The following WIF1 variants were observed in gnomAD, a reference collection of about 807,000 sequenced individuals.
WIF1 encodes the protein Wnt inhibitory factor 1.
In WIF1, 35 loss-of-function variants were observed where a neutral mutation model predicts 53.5. That is an observed-to-expected ratio of 0.65 (90% CI 0.50 to 0.87). WIF1 has a LOEUF of 0.87. WIF1 is among the 40% of genes least tolerant of loss of function. WIF1 has a pLI of 0.00. For synonymous variants in WIF1, 171 were observed against 170.4 expected (o/e 1.00, Z -0.03); for missense variants, 467 against 476.8 (o/e 0.98, Z 0.19).
At chr12:65,112,318 T>C (rs1287256742) in intron 2 of WIF1, among the ~76,000 whole-genome samples, 6 of 151,806 alleles carry the variant, frequency 4.0e-5, no homozygotes, top group African/African-American at 1.5e-4. Context: ...TATGTTATGT[T>C]CAAAGTTCTA....
At chr12:65,066,139 G>C (rs1315878815) in intron 6 of WIF1, among the ~76,000 whole-genome samples, 1 of 152,198 alleles carries the variant, frequency 6.6e-6, no homozygotes, top group Non-Finnish European at 1.5e-5. Flanking sequence ...TGAGATGTCA[G>C]TGGGAGACCA....
At chr12:65,109,092 T>A (rs1432370060) in intron 2 of WIF1, among the ~76,000 whole-genome samples, 1 of 152,232 alleles carries the variant, frequency 6.6e-6, no homozygotes, top group Non-Finnish European at 1.5e-5. Flanking sequence ...ACCTAACTGT[T>A]CTAAATAATT....
Position 65,051,078 on chromosome 12 carries a change from A to G in WIF1, c.*271T>C, listed in dbSNP as rs769529616. 10 of 309,978 alleles carry G rather than the reference A, an allele frequency of 3.2e-5. No homozygotes were observed. The highest frequency in any genetic ancestry group is 5.9e-5 in the Non-Finnish European group (10 of 170,292). The allele number at this position is 309,978 out of a possible 1,614,324, so 19.2% of individuals were successfully genotyped here. A position where few individuals can be genotyped will look rare whatever the true frequency, so the allele number is the denominator to read the frequency against. ...ATTGTAATTTTGAAAATATCTGCCA[A>G]CTACACACTGAAAATTTTAACCTGA... On this transcript the variant is annotated 3_prime_UTR_variant, in exon 10 of 10. Transcript: ENST00000286574.
At chr12:65,065,848 G>T (rs761964128) in intron 6 of WIF1, among the ~76,000 whole-genome samples, 1 of 152,060 alleles carries the variant, frequency 6.6e-6, no homozygotes, top group East Asian at 1.9e-4. Flanking sequence ...AGTATGAATC[G>T]TTCAGCAATT....
chr12:65,089,355 A>G (rs1250446979), intron 2 of WIF1, among the ~76,000 whole-genome samples: 1 of 151,996 alleles, frequency 6.6e-6, no homozygotes, highest in Non-Finnish European at 1.5e-5. Flanking sequence ...TTCCTTCCCA[A>G]TATTATGACC....
chr12:65,054,084 T>C (rs540251619), intron 9 of WIF1: 1 of 147,466 alleles, frequency 6.8e-6, no homozygotes, highest in East Asian at 2.0e-4. Flanking sequence ...TTTTTTTTTT[T>C]TTTTTTTTTT....
chr12:65,067,609 T>C, intron 5 of WIF1, 86 bp downstream of exon 5: 1 of 1,358,962 alleles, frequency 7.4e-7, no homozygotes, highest in Non-Finnish European at 1.0e-6. Flanking sequence ...ATTTCAGGTG[T>C]TAAAAATACA....
At chr12:65,073,963 C>T (rs116131170) in intron 3 of WIF1, among the ~76,000 whole-genome samples, 2,097 of 152,188 alleles carry the variant, frequency 0.014, 60 homozygotes, top group African/African-American at 0.049. Flanking sequence ...GTTCATATCA[C>T]CTGGTTCCCA....
intron 2 of WIF1, among the ~76,000 whole-genome samples, chr12:65,105,260 A>T (rs1023983970): frequency 6.6e-6 from 1 of 152,006 alleles, no homozygotes; most frequent in Admixed American, 6.5e-5. Context: ...AGGGGGAAGG[A>T]AGTTAGAGGT....
chr12:65,098,375 T>C (rs1157554866), intron 2 of WIF1, among the ~76,000 whole-genome samples: 2 of 152,022 alleles, frequency 1.3e-5, no homozygotes, highest in African/African-American at 4.8e-5. Context: ...TCACAACACA[T>C]ACCACTTTAG....
chr12:65,086,681 AT>A (rs1883042781), intron 2 of WIF1, among the ~76,000 whole-genome samples: 1 of 149,296 alleles, frequency 6.7e-6, no homozygotes, highest in African/African-American at 2.5e-5. Flanking sequence ...GGGAAAAGGA[AT>A]CTCTTTCCTA....
chr12:65,118,595 T>A (rs1440865634), intron 2 of WIF1, among the ~76,000 whole-genome samples: 3 of 152,180 alleles, frequency 2.0e-5, no homozygotes, highest in Admixed American at 1.3e-4. Context: ...ATCATCCACA[T>A]AGGTGAGCAA....
At chr12:65,105,346 G>A (rs1429968139) in intron 2 of WIF1, among the ~76,000 whole-genome samples, 1 of 152,166 alleles carries the variant, frequency 6.6e-6, no homozygotes, top group East Asian at 1.9e-4. Flanking sequence ...TGGGCTGAAG[G>A]AACTTAACAT....
chr12:65,053,829 A>T (rs1234213391), intron 9 of WIF1, among the ~76,000 whole-genome samples: 2 of 151,502 alleles, frequency 1.3e-5, no homozygotes, highest in African/African-American at 4.8e-5. Flanking sequence ...AGACTACCAT[A>T]AGTATATTAA....
rs144090533 is a variant in WIF1 at position 65,103,796 on chromosome 12, C to T, written c.288+16621G>A. ...GCTCTGCAGGTGACTAAGGTGTGACCCTGGGCAAGTTACTTAATTTCCTTG... is the reference window on the plus strand; with the variant it reads ...GCTCTGCAGGTGACTAAGGTGTGACTCTGGGCAAGTTACTTAATTTCCTTG... On this transcript the variant is annotated intron_variant, in intron 2 of 9. Transcript: ENST00000286574. Among the ~76,000 whole-genome samples, 119 of 152,226 alleles carry T rather than the reference C, an allele frequency of 7.8e-4. 1 individual carries two copies. The Middle Eastern group carries it at 0.02, about 26-fold the overall frequency.
At chr12:65,084,408 C>A (rs935288766) in intron 2 of WIF1, among the ~76,000 whole-genome samples, 18 of 152,146 alleles carry the variant, frequency 1.2e-4, no homozygotes, top group African/African-American at 4.1e-4. Flanking sequence ...TCTCACTACT[C>A]CCCAACAGGC....
chr12:65,098,522 G>A (rs528432846), intron 2 of WIF1, among the ~76,000 whole-genome samples: 3 of 152,196 alleles, frequency 2.0e-5, no homozygotes, highest in Non-Finnish European at 2.9e-5. Context: ...AACCACTTCC[G>A]TTTTGCTATT....
At chr12:65,081,685 G>A (rs928508929) in intron 2 of WIF1, among the ~76,000 whole-genome samples, 7 of 152,164 alleles carry the variant, frequency 4.6e-5, no homozygotes, top group African/African-American at 9.6e-5. Flanking sequence ...TCAGCAAAAG[G>A]CAGTTACCAG....
intron 2 of WIF1, among the ~76,000 whole-genome samples, chr12:65,114,077 C>T (rs1362158672): frequency 6.6e-6 from 1 of 152,112 alleles, no homozygotes; most frequent in Non-Finnish European, 1.5e-5. Context: ...ATAAGTGTTA[C>T]CATAACTGCA....
Sources: allele counts gnomAD v4.1 joint callset (sites outside exome capture counted in the v4.1 genomes callset), GRCh38; gene constraint gnomAD v4.1.1; transcripts MANE v1.5; gene names NCBI Gene and HGNC (gene_info 2026-07-23, HGNC 2026-07-21).